The following CTNND2 variants were observed in gnomAD, a reference collection of about 807,000 sequenced individuals.
The protein encoded by CTNND2 is catenin delta-2.
In CTNND2, 22 loss-of-function variants were observed where a neutral mutation model predicts 144.4. That is an observed-to-expected ratio of 0.15 (90% CI 0.11 to 0.22). CTNND2 has a LOEUF of 0.22. CTNND2 is among the 10% of genes least tolerant of loss of function. CTNND2 has a pLI of 1.00. For synonymous variants in CTNND2, 751 were observed against 695.6 expected (o/e 1.08, Z -1.25); for missense variants, 1,353 against 1,618.8 (o/e 0.84, Z 2.82).
intron 12 of CTNND2, among the ~76,000 whole-genome samples, chr5:11,130,687 T>C (rs1380147256): frequency 6.6e-6 from 1 of 152,172 alleles, no homozygotes; most frequent in East Asian, 1.9e-4. Flanking sequence ...TCACAGTTGT[T>C]CTTTCCTAAC....
chr5:11,268,190 A>G (rs1745649099), intron 9 of CTNND2, among the ~76,000 whole-genome samples: 1 of 152,242 alleles, frequency 6.6e-6, no homozygotes, highest in Non-Finnish European at 1.5e-5. Flanking sequence ...TTCCACATGG[A>G]TATTTAAAAA....
chr5:11,502,027 CAAAAAAA>C (rs547364682), intron 3 of CTNND2, among the ~76,000 whole-genome samples: 3 of 57,238 alleles, frequency 5.2e-5, no homozygotes, highest in Non-Finnish European at 8.5e-5. Flanking sequence ...GACTCCATCT[CAAAAAAA>C]AAAAAAAAAA....
At chr5:11,749,874 A>G (rs999853530) in intron 1 of CTNND2, among the ~76,000 whole-genome samples, 2 of 152,006 alleles carry the variant, frequency 1.3e-5, no homozygotes, top group Non-Finnish European at 2.9e-5. Context: ...AAAAAAATAG[A>G]CCCTTGTATA....
chr5:11,585,228 G>A (rs1001173545), intron 2 of CTNND2, among the ~76,000 whole-genome samples: 2 of 152,024 alleles, frequency 1.3e-5, no homozygotes, highest in East Asian at 1.9e-4. Flanking sequence ...ACTCTGCTCC[G>A]ATGCAGAGTA....
intron 3 of CTNND2, among the ~76,000 whole-genome samples, chr5:11,481,912 C>T (rs565044852): frequency 6.6e-6 from 1 of 152,258 alleles, no homozygotes; most frequent in African/African-American, 2.4e-5. Flanking sequence ...CAGAAGGCCC[C>T]ATTTGAGAAG....
chr5:11,450,065 G>A (rs1481822459), intron 3 of CTNND2, among the ~76,000 whole-genome samples: 1 of 152,206 alleles, frequency 6.6e-6, no homozygotes, highest in Admixed American at 6.5e-5. Context: ...CTTAGCAAGG[G>A]CTGGCTTGTC....
chr5:11,386,823 T>A lies in CTNND2; in HGVS notation c.613-1594A>T, dbSNP rs75698083. Among the ~76,000 whole-genome samples, 799 of 152,262 alleles carry A rather than the reference T, an allele frequency of 5.2e-3. 7 individuals carry two copies. The highest frequency in any genetic ancestry group is 0.044 in the Middle Eastern group (13 of 294). On this transcript the variant is annotated intron_variant, in intron 6 of 21. Transcript: ENST00000304623. Reference sequence around the variant, plus strand: ...ATATTTGTGGAATGGTTCCTCAAGTTAGTCTCAAGGCTATGAGGGTCTTAT... The same window carrying A: ...ATATTTGTGGAATGGTTCCTCAAGTAAGTCTCAAGGCTATGAGGGTCTTAT...
At chr5:11,686,524 G>A (rs1784651427) in intron 2 of CTNND2, among the ~76,000 whole-genome samples, 1 of 151,786 alleles carries the variant, frequency 6.6e-6, no homozygotes, top group African/African-American at 2.4e-5. Flanking sequence ...TTTTATATTT[G>A]CCACATTCAA....
chr5:11,814,658 A>G (rs918426310), intron 1 of CTNND2, among the ~76,000 whole-genome samples: 4 of 152,250 alleles, frequency 2.6e-5, no homozygotes, highest in African/African-American at 9.6e-5. Flanking sequence ...TCCAAGCTGC[A>G]GTTTTTAATG....
At chr5:11,723,313 A>T (rs1257421159) in intron 2 of CTNND2, among the ~76,000 whole-genome samples, 1 of 152,182 alleles carries the variant, frequency 6.6e-6, no homozygotes, top group Non-Finnish European at 1.5e-5. Flanking sequence ...AATAAGCCTC[A>T]TATTAAACTG....
At chr5:11,212,768 G>C (rs1244963944) in intron 10 of CTNND2, among the ~76,000 whole-genome samples, 2 of 152,196 alleles carry the variant, frequency 1.3e-5, no homozygotes, top group Non-Finnish European at 2.9e-5. Context: ...AGTGGGAGCT[G>C]GTCTCGGTAA....
intron 9 of CTNND2, among the ~76,000 whole-genome samples, chr5:11,334,340 G>C (rs918334271): frequency 2.0e-5 from 3 of 152,128 alleles, no homozygotes; most frequent in Non-Finnish European, 4.4e-5. Context: ...TCTATGGCAC[G>C]TGAGTATCTT....
chr5:11,289,459 A>G (rs1302972257), intron 9 of CTNND2, among the ~76,000 whole-genome samples: 4 of 152,204 alleles, frequency 2.6e-5, no homozygotes, highest in African/African-American at 9.6e-5. Context: ...ACAGCTGAGC[A>G]CTGGGAAAGT....
chr5:11,413,518 T>G (rs529337429), intron 3 of CTNND2, among the ~76,000 whole-genome samples: 4 of 152,186 alleles, frequency 2.6e-5, no homozygotes, highest in Admixed American at 1.3e-4. Context: ...CATTGGTCAT[T>G]TGCAGAAACT....
At chr5:11,490,540 T>C (rs1581323033) in intron 3 of CTNND2, among the ~76,000 whole-genome samples, 1 of 151,848 alleles carries the variant, frequency 6.6e-6, no homozygotes, top group East Asian at 1.9e-4. Context: ...GACATTTCAT[T>C]TGAATTTTAT....
chr5:11,629,958 G>A (rs534769579), intron 2 of CTNND2, among the ~76,000 whole-genome samples: 1 of 151,776 alleles, frequency 6.6e-6, no homozygotes, highest in South Asian at 2.1e-4. Context: ...ATTTTATAGG[G>A]GAAAAAAGTA....
chr5:11,648,858 T>G (rs1252319304), intron 2 of CTNND2, among the ~76,000 whole-genome samples: 4 of 152,232 alleles, frequency 2.6e-5, no homozygotes, highest in Non-Finnish European at 5.9e-5. Flanking sequence ...AAGATCTTTA[T>G]GCGTTACTGT....
At chr5:11,693,750 A>G (rs937272271) in intron 2 of CTNND2, among the ~76,000 whole-genome samples, 2 of 152,228 alleles carry the variant, frequency 1.3e-5, no homozygotes, top group African/African-American at 2.4e-5. Flanking sequence ...AGCAGCCTAA[A>G]CACAGTACGA....
intron 2 of CTNND2, among the ~76,000 whole-genome samples, chr5:11,658,917 G>C (rs950685193): frequency 7.2e-5 from 11 of 152,082 alleles, no homozygotes; most frequent in African/African-American, 2.7e-4. Context: ...AGAATTTAGA[G>C]ATCAATTATG....
Sources: gnomAD v4.1 joint callset for allele counts (sites outside exome capture counted in the v4.1 genomes callset) on GRCh38, gnomAD v4.1.1 for gene constraint, MANE v1.5 for transcripts, NCBI Gene and HGNC (gene_info 2026-07-23, HGNC 2026-07-21) for gene names.